FBXW12: variants seen among roughly 807,000 people sequenced by gnomAD.
The protein encoded by FBXW12 is F-box/WD repeat-containing protein 12.
In FBXW12, 43 loss-of-function variants were observed where a neutral mutation model predicts 55.3. That is an observed-to-expected ratio of 0.78 (90% confidence interval 0.61 to 1.00). The LOEUF (loss-of-function observed/expected upper bound fraction) is 1.00. Among genes scored for constraint, FBXW12 ranks in the 50% least tolerant of loss-of-function variants. The pLI, the probability that FBXW12 is intolerant of heterozygous loss-of-function variation, is 0.00. For synonymous variants in FBXW12, 184 were observed against 203.8 expected (o/e 0.90, Z 0.83); for missense variants, 524 against 560.5 (o/e 0.93, Z 0.66).
At position 48,381,711 on chromosome 3, in the gene FBXW12, G is replaced by A. The variant is rs778624009; in HGVS notation, c.997G>A (p.Ala333Thr). Residue 333 changes from alanine (A) to threonine (T), a missense_variant, in exon 9 of 11, where the codon GCA (alanine) becomes ACA (threonine). By Grantham distance (58) the Ala-to-Thr change is moderately conservative (BLOSUM62 0). Coordinates refer to ENST00000296438, the MANE Select transcript of FBXW12 (RefSeq NM_207102.2). ...GQTVIQAYEI[A>T]SFQVAAHLKC... is the part of the protein sequence containing the mutation. ...TTACATGAAAACAGCATATGAGATC[G>A]CAAGTTTCCAGGTGGCAGCTCATCT... 1.3e-5 allele frequency: 20 copies of A among 1,573,398 alleles called. No homozygotes were observed. The highest frequency in any genetic ancestry group is 9.5e-5 in the South Asian group (8 of 84,360).
chr3:48,376,286 A>G (rs539902080), intron 5 of FBXW12, among the ~76,000 whole-genome samples: 12 of 152,152 alleles, frequency 7.9e-5, no homozygotes, highest in African/African-American at 2.7e-4. Context: ...TTGGCTGAGA[A>G]TTTACTTTTT....
Position 48,372,800 on chromosome 3 carries a change from G to C in FBXW12, c.33G>C (p.Lys11Asn), listed in dbSNP as rs141626867. Residue 11 changes from lysine (K) to asparagine (N), a missense_variant, in exon 2 of 11, where the codon AAG becomes AAC. By Grantham distance (94) the Lys-to-Asn change is moderately conservative (BLOSUM62 0). Transcript: ENST00000296438. MEIRLPDLAL[K>N]RIFSFLDLFG... ...TCCGATTGCCTGACTTAGCTTTGAA[G>C]CGAATCTTCTCTTTCCTGGACCTGT... 63 of 1,614,078 alleles carry C rather than the reference G, an allele frequency of 3.9e-5. No homozygotes were observed. Among genetic ancestry groups the C allele is most frequent in the Non-Finnish European group, 5.3e-5 (62 of 1,180,034 alleles).
chr3:48,379,780 C>G (rs761146201), intron 7 of FBXW12: 7 of 479,514 alleles, frequency 1.5e-5, no homozygotes, highest in Non-Finnish European at 2.3e-5. Flanking sequence ...TCATGAAGCC[C>G]GAATTTGCCA....
Position 48,380,713 on chromosome 3 carries a change from A to G in FBXW12, c.786A>G (p.Thr262=), listed in dbSNP as rs2036753926. ...YSRTLPQVFL[T]ESLLRPSEGS... ...GATGCTCTCTTTAGGTATTCCTCAC[A>G]GAGTCCTTACTGAGACCATCAGAAG... The change falls in exon 8 of 11, where the codon ACA becomes ACG. Residue 262 remains threonine, a synonymous_variant. Coordinates refer to ENST00000296438, the MANE Select transcript of FBXW12 (RefSeq NM_207102.2). The G allele has an allele frequency of 6.2e-7, 1 of 1,613,410 alleles. No homozygotes were observed. The highest frequency in any genetic ancestry group is 8.5e-7 in the Non-Finnish European group (1 of 1,179,422).
intron 7 of FBXW12, among the ~76,000 whole-genome samples, 157 bp from the exon 8 acceptor site, chr3:48,380,545 C>T (rs2107161095): frequency 6.6e-6 from 1 of 152,328 alleles, no homozygotes; most frequent in South Asian, 2.1e-4. Flanking sequence ...TCCTTTTATG[C>T]TGGAGTGATA....
chr3:48,377,525 A>T (rs551827644), intron 5 of FBXW12, among the ~76,000 whole-genome samples: 1 of 152,350 alleles, frequency 6.6e-6, no homozygotes, highest in East Asian at 1.9e-4. Flanking sequence ...AGAGACCTAC[A>T]GCCAGAACTA....
At chr3:48,377,345 A>G (rs777932809) in intron 5 of FBXW12, among the ~76,000 whole-genome samples, 24 of 152,204 alleles carry the variant, frequency 1.6e-4, no homozygotes, top group Admixed American at 5.2e-4. Flanking sequence ...TTCTTCACTC[A>G]TGGGTCATCA....
At chr3:48,380,385 C>T (rs2036748843) in intron 7 of FBXW12, among the ~76,000 whole-genome samples, 1 of 152,098 alleles carries the variant, frequency 6.6e-6, no homozygotes, top group Non-Finnish European at 1.5e-5. Flanking sequence ...GCCACACAGC[C>T]CTTGACTTGT....
intron 7 of FBXW12, 37 bp from the exon 8 acceptor site, chr3:48,380,665 T>C (rs967170169): frequency 1.3e-6 from 2 of 1,508,436 alleles, no homozygotes; most frequent in Non-Finnish European, 1.8e-6. Flanking sequence ...GGCTATAAGT[T>C]CCCTGCCCCT....
Position 48,373,532 on chromosome 3 carries a change from G to A in FBXW12, c.129-16G>A. The A allele has an allele frequency of 6.2e-7, 1 of 1,611,348 alleles. No homozygotes were observed. Among genetic ancestry groups the A allele is most frequent in the Non-Finnish European group, 8.5e-7 (1 of 1,177,696 alleles). ...TGACTGAGAACAGCCTGATGGGACT[G>A]TGACTCTGTTTCCAGGTCACTATCT... is the stretch of plus-strand genomic sequence containing the variant. On this transcript the variant is annotated splice_polypyrimidine_tract_variant and intron_variant, in intron 3 of 10. Coordinates refer to ENST00000296438, the MANE Select transcript of FBXW12 (RefSeq NM_207102.2).
chr3:48,381,621 A>G (rs2036775681), intron 8 of FBXW12, 79 bp from the exon 9 acceptor site: 12 of 1,428,106 alleles, frequency 8.4e-6, no homozygotes, highest in Non-Finnish European at 1.1e-5. Flanking sequence ...ATTCAGTGTG[A>G]GGATATTATT....
chr3:48,390,726 T>C (rs1273467635), intron 10 of FBXW12, among the ~76,000 whole-genome samples: 1 of 152,136 alleles, frequency 6.6e-6, no homozygotes, highest in Non-Finnish European at 1.5e-5. Context: ...TGATTGCTTC[T>C]AGCAGTGTTT....
At chr3:48,384,025 A>G (rs2036812733) in intron 10 of FBXW12, among the ~76,000 whole-genome samples, 1 of 152,172 alleles carries the variant, frequency 6.6e-6, no homozygotes, top group South Asian at 2.1e-4. Context: ...AAAATTATTC[A>G]GACTATTCTG....
intron 10 of FBXW12, among the ~76,000 whole-genome samples, chr3:48,390,461 C>CT (rs2036908017): frequency 8.1e-6 from 1 of 123,232 alleles, no homozygotes; most frequent in Non-Finnish European, 1.6e-5. Context: ...GTTGCCCAGG[C>CT]TGGAGTGCAG....
At chr3:48,378,017 A>G (rs2036709109) in intron 5 of FBXW12, among the ~76,000 whole-genome samples, 1 of 152,194 alleles carries the variant, frequency 6.6e-6, no homozygotes, top group South Asian at 2.1e-4. Flanking sequence ...AGAAGGCATG[A>G]TAGAAAGTGA....
chr3:48,389,392 T>G (rs1008956900), intron 10 of FBXW12, among the ~76,000 whole-genome samples: 2 of 152,126 alleles, frequency 1.3e-5, no homozygotes, highest in African/African-American at 4.8e-5. Flanking sequence ...TTTTGTTTGG[T>G]TTTTGAGATG....
chr3:48,394,608 G>A lies in FBXW12; in HGVS notation c.1344G>A (p.Val448=). Residue 448 remains valine, a synonymous_variant, in exon 11 of 11, where the codon GTG becomes GTA. Transcript: ENST00000296438. ...MCDNASIVLR[V]RKVSDSSILV... is the part of the protein sequence containing the mutation. ...ATAATGCAAGCATAGTACTTAGGGT[G>A]AGGAAAGTAAGTGACTCCAGCATTC... The A allele has an allele frequency of 6.2e-7, 1 of 1,608,798 alleles. No homozygotes were observed. The highest frequency in any genetic ancestry group is 1.7e-5 in the Admixed American group (1 of 58,618).
At chr3:48,387,684 G>T (rs1005009833) in intron 10 of FBXW12, among the ~76,000 whole-genome samples, 2 of 151,992 alleles carry the variant, frequency 1.3e-5, no homozygotes, top group Non-Finnish European at 2.9e-5. Flanking sequence ...GAGTAGCTTG[G>T]ATTACAGGGG....
intron 10 of FBXW12, among the ~76,000 whole-genome samples, chr3:48,385,535 T>C (rs1384935372): frequency 6.6e-6 from 1 of 152,208 alleles, no homozygotes; most frequent in African/African-American, 2.4e-5. Flanking sequence ...TTTGGATGTA[T>C]ACCCAGGAGT....
Sources: gnomAD v4.1 joint callset for allele counts (sites outside exome capture counted in the v4.1 genomes callset) on GRCh38, gnomAD v4.1.1 for gene constraint, MANE v1.5 for transcripts, NCBI Gene and HGNC (gene_info 2026-07-23, HGNC 2026-07-21) for gene names.